The following CLVS1 variants were observed in gnomAD, a reference collection of about 807,000 sequenced individuals.
CLVS1 encodes clavesin 1.
A neutral mutation model predicts 33.1 loss-of-function variants in CLVS1; 10 were observed. The observed-to-expected ratio is 0.30, with a 90% confidence interval of 0.19 to 0.51. CLVS1 has a LOEUF of 0.51. Ranked by LOEUF, CLVS1 falls within the 20% of genes least tolerant of loss-of-function variation. CLVS1 has a pLI of 0.97. For synonymous variants in CLVS1, 163 were observed against 166.1 expected (o/e 0.98, Z 0.14); for missense variants, 343 against 433.4 (o/e 0.79, Z 1.85).
At chr8:61,004,301 A>G in the CLVS1 span, among the ~76,000 whole-genome samples, 2 of 152,202 alleles carry the variant, frequency 1.3e-5, no homozygotes, top group Non-Finnish European at 2.9e-5. Context: ...GGACCACTTC[A>G]ATCTGCAGTC....
intron 2 of CLVS1, among the ~76,000 whole-genome samples, chr8:61,170,889 C>T (rs1188963156): frequency 6.6e-6 from 1 of 152,088 alleles, no homozygotes; most frequent in Non-Finnish European, 1.5e-5. Flanking sequence ...ACCAGAACAA[C>T]AGAAAATACA....
At chr8:60,978,976 G>C in the CLVS1 span, among the ~76,000 whole-genome samples, 1 of 152,178 alleles carries the variant, frequency 6.6e-6, no homozygotes, top group South Asian at 2.1e-4. Flanking sequence ...AATCCAGCCT[G>C]TGTGAGAGGA....
intron 3 of CLVS1, among the ~76,000 whole-genome samples, chr8:61,450,953 C>A (rs35328313): frequency 0.069 from 10,452 of 152,176 alleles, 436 homozygotes; most frequent in Non-Finnish European, 0.089. Context: ...ACTTTCGGAG[C>A]CAGCTTTAAG....
At chr8:61,093,494 A>AC (rs1426342211) in intron 1 of CLVS1, among the ~76,000 whole-genome samples, 3 of 152,150 alleles carry the variant, frequency 2.0e-5, no homozygotes, top group African/African-American at 7.2e-5. Flanking sequence ...TTACAAAAAA[A>AC]CCCCAAAAGT....
At chr8:61,251,039 T>C (rs573104653) in intron 2 of CLVS1, among the ~76,000 whole-genome samples, 1 of 152,332 alleles carries the variant, frequency 6.6e-6, no homozygotes, top group South Asian at 2.1e-4. Context: ...CAGTATGATA[T>C]TGGCTGTGGG....
chr8:61,443,834 G>A (rs965626087), intron 3 of CLVS1, among the ~76,000 whole-genome samples: 2 of 151,980 alleles, frequency 1.3e-5, no homozygotes, highest in African/African-American at 2.4e-5. Context: ...AATTTGAGGG[G>A]AATTAACATA....
At chr8:61,001,000 G>A in the CLVS1 span, among the ~76,000 whole-genome samples, 83 of 152,112 alleles carry the variant, frequency 5.5e-4, no homozygotes, top group Non-Finnish European at 1.2e-3. Context: ...TTTCTTGTCT[G>A]TAGTCTCCCC....
intron 2 of CLVS1, among the ~76,000 whole-genome samples, chr8:61,182,991 T>C (rs1054129418): frequency 1.3e-5 from 2 of 152,194 alleles, no homozygotes; most frequent in Admixed American, 6.5e-5. Flanking sequence ...ATCATGTCCT[T>C]TGCAGGGACA....
At chr8:61,140,818 G>T (rs1056402261) in intron 2 of CLVS1, among the ~76,000 whole-genome samples, 2 of 152,066 alleles carry the variant, frequency 1.3e-5, no homozygotes, top group African/African-American at 4.8e-5. Context: ...CGCCCGCCTC[G>T]ATCTCCCAAA....
At chr8:61,333,100 G>GT (rs1387585833) in intron 2 of CLVS1, among the ~76,000 whole-genome samples, 1 of 152,140 alleles carries the variant, frequency 6.6e-6, no homozygotes, top group Non-Finnish European at 1.5e-5. Context: ...TGCCATCAAA[G>GT]TTTTTTCCAC....
rs760117672 is a variant in CLVS1, at chr8:61,300,205, C to T, written c.378C>T (p.Phe126=). ...PGIKRALIDG[F]PGVLENRDHY... Reference sequence around the variant, plus strand: ...TTAAGAGGGCTCTGATCGATGGGTTCCCCGGGGTGCTGGAAAACCGAGACC... The same window carrying T: ...TTAAGAGGGCTCTGATCGATGGGTTTCCCGGGGTGCTGGAAAACCGAGACC... Residue 126 remains phenylalanine (F), a synonymous_variant, in exon 2 of 6, where the codon TTC becomes TTT. Coordinates refer to ENST00000325897, the MANE Select transcript of CLVS1 (RefSeq NM_173519.3). The T allele has an allele frequency of 6.2e-7, 1 of 1,613,940 alleles. No individual in the cohort carries two copies. Among genetic ancestry groups the T allele is most frequent in the Non-Finnish European group, 8.5e-7 (1 of 1,179,948 alleles).
At chr8:61,032,992 G>GAAA in the CLVS1 span, among the ~76,000 whole-genome samples, 21 of 44,818 alleles carry the variant, frequency 4.7e-4, no homozygotes, top group African/African-American at 1.0e-3. Context: ...AAGGAAGGAA[G>GAAA]GAAAGAAAGA....
chr8:61,443,368 T>C lies in CLVS1; in HGVS notation c.631-10773T>C, dbSNP rs931427973. Among the ~76,000 whole-genome samples the C allele has an allele frequency of 2.0e-5, 3 of 152,352 alleles. No individual in the cohort carries two copies. In the East Asian group the frequency reaches 5.8e-4, roughly 29 times the overall value. On this transcript the variant is annotated intron_variant, in intron 3 of 5. Transcript: ENST00000325897. ...CTTTCTTTCTAAAAGTTTTATGGTT[T>C]TATTGCATTTAAATTCATGAGTTAA...
intron 1 of CLVS1, chr8:61,292,309 T>A (rs917096482): frequency 6.6e-6 from 3 of 455,982 alleles, no homozygotes; most frequent in Non-Finnish European, 1.3e-5. Flanking sequence ...TGTGTTTTAC[T>A]TTTCCCAGGC....
chr8:61,392,858 T>C (rs1814363091), intron 3 of CLVS1, among the ~76,000 whole-genome samples: 1 of 150,674 alleles, frequency 6.6e-6, no homozygotes, highest in Non-Finnish European at 1.5e-5. Context: ...AAACATATAT[T>C]TTAAATCATT....
chr8:61,485,149 G>A (rs1803826584), intron 5 of CLVS1, among the ~76,000 whole-genome samples: 1 of 152,012 alleles, frequency 6.6e-6, no homozygotes, highest in African/African-American at 2.4e-5. Flanking sequence ...CCATCAGAGT[G>A]AACAGGCAAC....
chr8:61,315,732 CT>C (rs969342118), intron 2 of CLVS1, among the ~76,000 whole-genome samples: 6 of 152,014 alleles, frequency 3.9e-5, no homozygotes, highest in Non-Finnish European at 7.4e-5. Context: ...CTGGTTTATT[CT>C]TTTTTTATAT....
the CLVS1 span, among the ~76,000 whole-genome samples, chr8:60,979,983 G>A: frequency 5.3e-5 from 8 of 152,156 alleles, no homozygotes; most frequent in Non-Finnish European, 1.2e-4. Flanking sequence ...CATGATCTCT[G>A]CCCTTTTTCA....
At chr8:61,194,284 C>A (rs1025830468) in intron 2 of CLVS1, among the ~76,000 whole-genome samples, 1 of 151,888 alleles carries the variant, frequency 6.6e-6, no homozygotes, top group Non-Finnish European at 1.5e-5. Flanking sequence ...AAGACAAAAA[C>A]CATTTATATG....
Sources: gnomAD v4.1 joint callset for allele counts (sites outside exome capture counted in the v4.1 genomes callset) on GRCh38, gnomAD v4.1.1 for gene constraint, MANE v1.5 for transcripts, NCBI Gene and HGNC (gene_info 2026-07-23, HGNC 2026-07-21) for gene names.